PCDHGA5: variants seen among roughly 807,000 people sequenced by gnomAD.
The protein encoded by PCDHGA5 is protocadherin gamma subfamily A, 5.
Under a neutral mutation model 56.7 loss-of-function variants are expected in PCDHGA5, and 36 were observed. The ratio of observed to expected loss-of-function variants is 0.64; its 90% CI spans 0.49 to 0.84. The LOEUF (loss-of-function observed/expected upper bound fraction) is 0.84. Ranked by LOEUF, PCDHGA5 falls within the 40% of genes least tolerant of loss-of-function variation. The probability of loss-of-function intolerance (pLI) is 0.00; values close to 1 mark genes in which losing one functional copy is unlikely to be tolerated. For synonymous variants in PCDHGA5, 563 were observed against 520.2 expected, an observed-to-expected ratio of 1.08 and a Z score of -1.12; for missense variants, 1,305 against 1,201.5, an observed-to-expected ratio of 1.09 and a Z score of -1.27.
rs539878473 is a variant in PCDHGA5 at position 141,501,595 on chromosome 5, C to T, written c.2481-3798C>T. Reference sequence around the variant, plus strand: ...GCTGGCTTTCAGGTTGCAACTCTACCAGTTCCAGCTGTGTGACTCTGGTAT... The same window carrying T: ...GCTGGCTTTCAGGTTGCAACTCTACTAGTTCCAGCTGTGTGACTCTGGTAT... On this transcript the variant is annotated intron_variant, in intron 2 of 3. Coordinates refer to ENST00000518069, the MANE Select transcript of PCDHGA5 (RefSeq NM_018918.3). Among the ~76,000 whole-genome samples the T allele has an allele frequency of 9.9e-5, 15 of 152,164 alleles. No homozygotes were observed. In the East Asian group the frequency reaches 2.9e-3, roughly 30 times the overall value.
At position 141,365,695 on chromosome 5, in the gene PCDHGA5, C is replaced by T; in HGVS notation, c.1365C>T (p.Ala455=). The change falls in exon 1 of 4, where the codon GCC becomes GCT. Residue 455 remains alanine (A), a synonymous_variant. Transcript: ENST00000518069. ...VNDNPPNFPQ[A]SYSTSVTENN... Reference sequence around the variant, plus strand: ...ACAACCCACCCAATTTCCCTCAAGCCTCCTACTCCACCTCTGTCACAGAAA... The same window carrying T: ...ACAACCCACCCAATTTCCCTCAAGCTTCCTACTCCACCTCTGTCACAGAAA... The T allele has an allele frequency of 6.2e-7, 1 of 1,613,656 alleles. No homozygotes were observed. Among genetic ancestry groups the T allele is most frequent in the Non-Finnish European group, 8.5e-7 (1 of 1,179,836 alleles).
chr5:141,407,169 G>A (rs946090447), intron 1 of PCDHGA5, among the ~76,000 whole-genome samples: 3 of 152,146 alleles, frequency 2.0e-5, no homozygotes, highest in Non-Finnish European at 4.4e-5. Flanking sequence ...AATCCTTTAT[G>A]ACATACAGAC....
intron 1 of PCDHGA5, among the ~76,000 whole-genome samples, chr5:141,462,941 G>A (rs1667222225): frequency 6.6e-6 from 1 of 152,158 alleles, no homozygotes; most frequent in Non-Finnish European, 1.5e-5. Flanking sequence ...TTCAAGGCTT[G>A]TTTTTAAGCT....
At chr5:141,510,824 A>G (rs947400590) in intron 3 of PCDHGA5, 123 bp from the exon 4 acceptor site, 2 of 1,563,416 alleles carry the variant, frequency 1.3e-6, no homozygotes, top group Non-Finnish European at 1.7e-6. Flanking sequence ...CTATATTCCC[A>G]GTGCTCAGCG....
intron 1 of PCDHGA5, chr5:141,376,588 T>A: frequency 6.3e-7 from 1 of 1,575,434 alleles, no homozygotes; most frequent in South Asian, 1.2e-5. Flanking sequence ...ATCAGCTAGA[T>A]CGGCTGTTAT....
chr5:141,391,648 C>T (rs760508987), intron 1 of PCDHGA5: 4 of 152,210 alleles, frequency 2.6e-5, no homozygotes, highest in Non-Finnish European at 5.9e-5. Context: ...AAAAAACTAT[C>T]ATACCAGTCT....
intron 1 of PCDHGA5, chr5:141,370,497 T>C: frequency 1.2e-6 from 2 of 1,613,956 alleles, no homozygotes; most frequent in Non-Finnish European, 1.7e-6. Context: ...ACCGATCCGC[T>C]ACGCTATTCC....
chr5:141,376,474 A>G, intron 1 of PCDHGA5: 5 of 1,614,136 alleles, frequency 3.1e-6, no homozygotes, highest in Non-Finnish European at 3.4e-6. Context: ...CTCAGGATTT[A>G]CTTGAAACGA....
chr5:141,403,571 G>T (rs778030830), intron 1 of PCDHGA5: 2 of 1,613,904 alleles, frequency 1.2e-6, no homozygotes, highest in South Asian at 1.1e-5. Flanking sequence ...GGAGGCAACT[G>T]CCCACCACCT....
In PCDHGA5 at chr5:141,476,016, G is replaced by C; in HGVS notation, c.2422-18791G>C. On this transcript the variant is annotated intron_variant, in intron 1 of 3. Transcript: ENST00000518069. This position sits in a 1 kb window ranked among gnomAD's most constrained non-coding sequence, Gnocchi z 7.6. ...TCAACGGCATCCAGAAAGCCATGTC[G>C]GACTCGGCGCCCAGCGCCCAAGCGC... 1 of 1,359,386 alleles carries C rather than the reference G, an allele frequency of 7.4e-7. No homozygotes were observed. The highest frequency in any genetic ancestry group is 2.3e-5 in the East Asian group (1 of 43,300). 84.2% of individuals were successfully genotyped at this position (1,359,386 alleles called of 1,614,324 possible).
Position 141,489,179 on chromosome 5 carries a change from C to T in PCDHGA5, c.2422-5628C>T. ...AGACTTCAGCTGCTGCATTCCAAGC[C>T]CTGGGTCTACCTTGGAGACAGGACA... On this transcript the variant is annotated intron_variant, in intron 1 of 3. Coordinates refer to ENST00000518069, the MANE Select transcript of PCDHGA5 (RefSeq NM_018918.3). The surrounding 1 kb of genome is among the most constrained non-coding windows in gnomAD (Gnocchi z 4.5). The T allele has an allele frequency of 8.0e-7, 1 of 1,243,186 alleles. No individual in the cohort carries two copies. The highest frequency in any genetic ancestry group is 1.1e-6 in the Non-Finnish European group (1 of 890,032). The allele number at this position is 1,243,186 out of a possible 1,614,324, so 77.0% of individuals were successfully genotyped here. A position where few individuals can be genotyped will look rare whatever the true frequency, so the allele number is the denominator to read the frequency against.
rs767547572 is a variant in PCDHGA5 at position 141,505,495 on chromosome 5, G to C, written c.2569+14G>C. On this transcript the variant is annotated intron_variant, in intron 3 of 3. Coordinates refer to ENST00000518069, the MANE Select transcript of PCDHGA5 (RefSeq NM_018918.3). The stretch of plus-strand genomic sequence containing the variant: ...CGTCCGCCAGTGGTAAGTGGTGTCA[G>C]TGTGTGTATGGAAGAGTGGGAGACC... 5 of 1,614,210 alleles carry C rather than the reference G, an allele frequency of 3.1e-6. No individual in the cohort carries two copies. Among genetic ancestry groups the C allele is most frequent in the Non-Finnish European group, 4.2e-6 (5 of 1,180,000 alleles).
rs775705715 is a variant in PCDHGA5 at position 141,422,475 on chromosome 5, C to T, written c.2421+55724C>T. ...GCAGAGTGCTGGACAGGGAGTTGGT[C>T]CAGAGCTACAATATAACGTTGACAG... On this transcript the variant is annotated intron_variant, in intron 1 of 3. Coordinates refer to ENST00000518069, the MANE Select transcript of PCDHGA5 (RefSeq NM_018918.3). The T allele has an allele frequency of 7.4e-6, 12 of 1,613,672 alleles. No individual in the cohort carries two copies. The East Asian group carries it at 2.0e-4, about 27-fold the overall frequency.
At chr5:141,484,315 C>T (rs1172379949) in intron 1 of PCDHGA5, among the ~76,000 whole-genome samples, 2 of 152,326 alleles carry the variant, frequency 1.3e-5, no homozygotes, top group African/African-American at 4.8e-5. Context: ...ACCCCGCTTC[C>T]ATACTGTCCT....
intron 1 of PCDHGA5, among the ~76,000 whole-genome samples, chr5:141,437,076 A>G (rs1018228245): frequency 6.6e-6 from 1 of 152,236 alleles, no homozygotes; most frequent in African/African-American, 2.4e-5. Flanking sequence ...TTTGGGCCAT[A>G]TAAGAATTGA....
rs117560542 is a variant in PCDHGA5 at position 141,375,655 on chromosome 5, G to A, written c.2421+8904G>A. ...CCCTGCGCTCCTTCGACTATGAGCA[G>A]TTGAGAGACCTACAGCTGTGGGTGA... is the stretch of plus-strand genomic sequence containing the variant. On this transcript the variant is annotated intron_variant, in intron 1 of 3. Transcript: ENST00000518069. 2.4e-4 allele frequency: 382 copies of A among 1,614,246 alleles called. 5 individuals are homozygous for A. The East Asian group carries it at 8.3e-3, about 35-fold the overall frequency.
At chr5:141,385,964 C>T (rs1037246180) in intron 1 of PCDHGA5, 2 of 152,126 alleles carry the variant, frequency 1.3e-5, no homozygotes, top group South Asian at 2.1e-4. Context: ...TAAAGGCCAT[C>T]GGACAAAACC....
chr5:141,364,788 T>C lies in PCDHGA5; in HGVS notation c.458T>C (p.Val153Ala). 5 of 1,614,034 alleles carry C rather than the reference T, an allele frequency of 3.1e-6. No homozygotes were observed. Among genetic ancestry groups the C allele is most frequent in the South Asian group, 2.2e-5 (2 of 91,086 alleles). Residue 153 changes from valine (V) to alanine (A), a missense_variant, in exon 1 of 4, where the codon GTG becomes GCG. Transcript: ENST00000518069. ...NENAAAGTRL[V>A]LPFARDADVG... Reference sequence around the variant, plus strand: ...AATGCGGCTGCAGGGACACGGTTAGTGCTTCCCTTCGCGCGGGATGCGGAT... The same window carrying C: ...AATGCGGCTGCAGGGACACGGTTAGCGCTTCCCTTCGCGCGGGATGCGGAT...
intron 1 of PCDHGA5, among the ~76,000 whole-genome samples, chr5:141,470,459 AT>A: frequency 6.6e-6 from 1 of 152,096 alleles, no homozygotes; most frequent in East Asian, 1.9e-4. Flanking sequence ...CTTGAATAGG[AT>A]TTTCTGATAT....
Sources: allele counts gnomAD v4.1 joint callset (sites outside exome capture counted in the v4.1 genomes callset), GRCh38; gene constraint gnomAD v4.1.1; non-coding constraint Gnocchi (gnomAD v3.1); transcripts MANE v1.5; gene names NCBI Gene and HGNC (gene_info 2026-07-23, HGNC 2026-07-21).